The following EFHB variants were observed in gnomAD, a reference collection of about 807,000 sequenced individuals.
The protein encoded by EFHB is EF-hand domain-containing family member B.
In EFHB, 91 loss-of-function variants were observed where a neutral mutation model predicts 87.2. That is an observed-to-expected ratio of 1.04 (90% CI 0.88 to 1.24). The LOEUF is 1.24. EFHB is among the 50% of genes most tolerant of loss of function. The probability of loss-of-function intolerance (pLI) is 0.00; values close to 1 mark genes in which losing one functional copy is unlikely to be tolerated. For missense variants in EFHB, 1,084 were observed against 998.8 expected (o/e 1.09, Z -1.15); for synonymous variants, 325 against 333.6 (o/e 0.97, Z 0.28).
At chr3:19,908,596 GAGAGAAAGAAAGAAAGAA>G (rs1245765274) in intron 5 of EFHB, among the ~76,000 whole-genome samples, 9 of 97,098 alleles carry the variant, frequency 9.3e-5, no homozygotes, top group Non-Finnish European at 8.6e-5. Flanking sequence ...GAGAGAGAGA[GAGAGAAAGAAAGAAAGAA>G]AGAAAGAAAG....
chr3:19,933,339 T>C lies in EFHB; in HGVS notation c.680A>G (p.His227Arg). Residue 227 changes from histidine (H) to arginine (R), a missense_variant, in exon 1 of 13, where the codon CAT becomes CGT. Physicochemically the swap from His to Arg is conservative, Grantham distance 29 (BLOSUM62 0). Coordinates refer to ENST00000295824, the MANE Select transcript of EFHB (RefSeq NM_144715.4). ...EPPQCQFAQQ[H>R]EQRKEAGNIE... is the part of the protein sequence containing the mutation. ...GTTTCCAGCCTCCTTTCTCTGTTCATGTTGTTGGGCAAACTGGCATTGGGG... is the reference window on the plus strand; with the variant it reads ...GTTTCCAGCCTCCTTTCTCTGTTCACGTTGTTGGGCAAACTGGCATTGGGG... 1 of 1,613,996 alleles carries C rather than the reference T, an allele frequency of 6.2e-7. No individual in the cohort carries two copies. The highest frequency in any genetic ancestry group is 8.5e-7 in the Non-Finnish European group (1 of 1,179,888).
upstream of EFHB, among the ~76,000 whole-genome samples, chr3:19,934,585 A>C (rs1486284748): frequency 6.6e-6 from 1 of 151,072 alleles, no homozygotes. Flanking sequence ...AATTTGAGTG[A>C]TGTGGCTTTC....
At chr3:19,928,753 T>C (rs755745702) in intron 1 of EFHB, among the ~76,000 whole-genome samples, 4 of 152,188 alleles carry the variant, frequency 2.6e-5, no homozygotes, top group Non-Finnish European at 4.4e-5. Flanking sequence ...CCAAAAGACA[T>C]TGTTTTTAAT....
intron 1 of EFHB, among the ~76,000 whole-genome samples, chr3:19,939,448 G>T (rs1341506919): frequency 3.0e-5 from 4 of 134,518 alleles, no homozygotes; most frequent in Non-Finnish European, 6.2e-5. Context: ...GCAGTGGCGC[G>T]ATCTTGGCTC....
chr3:19,933,596 C>G lies in EFHB; in HGVS notation c.423G>C (p.Gly141=). ...CACTAGCCAAAGGAGCTCTCCTGCT[C>G]CCTGCAGCCTGTGAACTTCCACACA... is the stretch of plus-strand genomic sequence containing the variant. ...GRVCGSSQAA[G]SRRAPLASGP... is the part of the protein sequence containing the mutation. The change falls in exon 1 of 13, where the codon GGG becomes GGC. Residue 141 remains glycine (G), a synonymous_variant. Coordinates refer to ENST00000295824, the MANE Select transcript of EFHB (RefSeq NM_144715.4). 6.2e-7 allele frequency: 1 copy of G among 1,614,018 alleles called. No individual in the cohort carries two copies. Among genetic ancestry groups the G allele is most frequent in the Non-Finnish European group, 8.5e-7 (1 of 1,179,894 alleles).
intron 4 of EFHB, among the ~76,000 whole-genome samples, chr3:19,917,872 A>G (rs1175695920): frequency 6.6e-6 from 1 of 152,218 alleles, no homozygotes; most frequent in Non-Finnish European, 1.5e-5. Context: ...GTTCGGAGTC[A>G]TGAACACATG....
chr3:19,918,089 T>C (rs961968029), intron 4 of EFHB, 143 bp downstream of exon 4: 1 of 986,700 alleles, frequency 1.0e-6, no homozygotes, highest in Non-Finnish European at 1.4e-6. Context: ...TGAGAGTAAC[T>C]TTCTTGCAAC....
intron 1 of EFHB, among the ~76,000 whole-genome samples, chr3:19,925,335 T>C (rs1695585290): frequency 6.6e-6 from 1 of 152,062 alleles, no homozygotes; most frequent in Non-Finnish European, 1.5e-5. Flanking sequence ...ATATTCTGTC[T>C]AGTTAAATGT....
At chr3:19,914,392 T>A (rs918527641) in intron 5 of EFHB, among the ~76,000 whole-genome samples, 1 of 152,238 alleles carries the variant, frequency 6.6e-6, no homozygotes, top group East Asian at 1.9e-4. Context: ...CAATCCTTTA[T>A]TATGTCAAGA....
At position 19,926,166 on chromosome 3, in the gene EFHB, A is replaced by G. The variant is rs549025251; in HGVS notation, c.790-5599T>C. Reference sequence around the variant, plus strand: ...CCCAAAATAGCTGTCAGGTTCTACTAGTATAGAACAGGAAAAAGCAAGGCA... The same window carrying G: ...CCCAAAATAGCTGTCAGGTTCTACTGGTATAGAACAGGAAAAAGCAAGGCA... On this transcript the variant is annotated intron_variant, in intron 1 of 12. Coordinates refer to ENST00000295824, the MANE Select transcript of EFHB (RefSeq NM_144715.4). Among the ~76,000 whole-genome samples, 27 of 152,278 alleles carry G rather than the reference A, an allele frequency of 1.8e-4. No homozygotes were observed. In the East Asian group the frequency reaches 5.2e-3, roughly 29 times the overall value.
chr3:19,943,061 TG>T, intron 1 of EFHB: 1 of 327,626 alleles, frequency 3.1e-6, no homozygotes, highest in African/African-American at 2.2e-5. Flanking sequence ...CATATCAGAC[TG>T]GACAACAGCA....
At chr3:19,894,396 C>G (rs543164585) in intron 9 of EFHB, 1 of 152,236 alleles carries the variant, frequency 6.6e-6, no homozygotes, top group South Asian at 2.1e-4. Flanking sequence ...TTTTCCATTC[C>G]CTAAATGGAA....
At chr3:19,936,257 G>T (rs943984560), upstream of EFHB, 5 of 732,572 alleles carry the variant, frequency 6.8e-6, no homozygotes, top group African/African-American at 7.0e-5. Context: ...GGCTGAAGTG[G>T]GAGGATCACT....
intron 2 of EFHB, among the ~76,000 whole-genome samples, 198 bp downstream of exon 2, chr3:19,920,307 C>A (rs939334458): frequency 2.0e-5 from 3 of 152,134 alleles, no homozygotes; most frequent in African/African-American, 7.2e-5. Flanking sequence ...AATTGAATCC[C>A]TGTAGAGCTA....
rs139892733 is a variant in EFHB at position 19,879,900 on chromosome 3, C to T, written c.2329-96G>A. The T allele has an allele frequency of 9.6e-6, 12 of 1,255,282 alleles. No individual in the cohort carries two copies. The East Asian group carries it at 2.9e-4, about 31-fold the overall frequency. The allele number at this position is 1,255,282 out of a possible 1,614,324, so 77.8% of individuals were successfully genotyped here. A position where few individuals can be genotyped will look rare whatever the true frequency, so the allele number is the denominator to read the frequency against. ...ACATCTAAGACTATGGATATTTTTC[C>T]AAAAAAGTATGTGTGAAAAGTATGT... On this transcript the variant is annotated intron_variant, in intron 12 of 12. Transcript: ENST00000295824.
chr3:19,914,549 A>G (rs1430962145), intron 5 of EFHB, among the ~76,000 whole-genome samples: 1 of 152,158 alleles, frequency 6.6e-6, no homozygotes, highest in African/African-American at 2.4e-5. Flanking sequence ...TAATAATAAT[A>G]ATAATAGCTA....
chr3:19,881,160 T>G (rs2071666845), intron 12 of EFHB, among the ~76,000 whole-genome samples: 1 of 152,194 alleles, frequency 6.6e-6, no homozygotes, highest in Non-Finnish European at 1.5e-5. Context: ...AATACCCCTA[T>G]GCATAGCTGC....
At chr3:19,943,288 T>C in intron 1 of EFHB, 1 of 245,404 alleles carries the variant, frequency 4.1e-6, no homozygotes, top group South Asian at 6.1e-5. Context: ...GGTGCCAAGA[T>C]GAATACCAAC....
chr3:19,936,287 C>A (rs891498101), upstream of EFHB: 10 of 643,224 alleles, frequency 1.6e-5, no homozygotes, highest in African/African-American at 1.9e-5. Flanking sequence ...GAGGTCTATG[C>A]GGCAGTGAGC....
Sources: allele counts gnomAD v4.1 joint callset (sites outside exome capture counted in the v4.1 genomes callset), GRCh38; gene constraint gnomAD v4.1.1; transcripts MANE v1.5; gene names NCBI Gene and HGNC (gene_info 2026-07-23, HGNC 2026-07-21).